TNRC6B: variants seen among roughly 807,000 people sequenced by gnomAD.
TNRC6B encodes trinucleotide repeat-containing gene 6B protein.
TNRC6B carries 52 observed loss-of-function variants against 203.6 expected under a neutral mutation model. The observed-to-expected ratio is 0.26, with a 90% CI of 0.20 to 0.32. TNRC6B has a LOEUF of 0.32. Ranked by LOEUF, TNRC6B falls within the 10% of genes least tolerant of loss-of-function variation. The probability of loss-of-function intolerance (pLI) is 1.00; values close to 1 mark genes in which losing one functional copy is unlikely to be tolerated. For missense variants in TNRC6B, 1,923 were observed against 2,286.2 expected (o/e 0.84, Z 3.24); for synonymous variants, 838 against 845.7 (o/e 0.99, Z 0.16).
chr22:40,294,588 G>A (rs904366924), intron 12 of TNRC6B, among the ~76,000 whole-genome samples: 2 of 152,182 alleles, frequency 1.3e-5, no homozygotes, highest in Non-Finnish European at 2.9e-5. Context: ...AAATACAGTC[G>A]CTAACTGAGA....
intron 1 of TNRC6B, among the ~76,000 whole-genome samples, chr22:40,182,322 CTTCT>C (rs765786048): frequency 1.3e-5 from 2 of 152,100 alleles, no homozygotes; most frequent in Non-Finnish European, 2.9e-5. Context: ...AGATATTAGA[CTTCT>C]TTAAGTGGAA....
In TNRC6B at chr22:40,196,002, C is replaced by T. The variant is rs535443730; in HGVS notation, c.5+17862C>T. ...CCGTGTTAGCCAGTATGGTCTCAAT[C>T]TCCTGACCTCGTGATCCGTCTGCCT... On this transcript the variant is annotated intron_variant, in intron 1 of 22. Transcript: ENST00000454349. 3.9e-5 allele frequency among the ~76,000 whole-genome samples: 6 copies of T among 151,990 alleles called. No individual in the cohort carries two copies. In the South Asian group the frequency reaches 1.2e-3, roughly 32 times the overall value.
intron 10 of TNRC6B, among the ~76,000 whole-genome samples, chr22:40,280,622 C>G (rs889359235): frequency 6.6e-6 from 1 of 152,156 alleles, no homozygotes; most frequent in Non-Finnish European, 1.5e-5. Context: ...CAGTTTCTAC[C>G]TATTGGTTTT....
intron 1 of TNRC6B, among the ~76,000 whole-genome samples, chr22:40,081,309 T>TG (rs1481464669): frequency 1.2e-4 from 17 of 145,386 alleles, no homozygotes; most frequent in Non-Finnish European, 1.9e-4. Flanking sequence ...GTCTGCGTGT[T>TG]TTTTTTTTTT....
chr22:40,273,773 AC>A, intron 7 of TNRC6B, among the ~76,000 whole-genome samples, 173 bp downstream of exon 7: 1 of 151,992 alleles, frequency 6.6e-6, no homozygotes, highest in East Asian at 1.9e-4. Context: ...CAGTCCTCCC[AC>A]CTCAGCCTTC....
intron 3 of TNRC6B, among the ~76,000 whole-genome samples, chr22:40,155,278 C>T (rs1269001998): frequency 6.6e-6 from 1 of 151,946 alleles, no homozygotes; most frequent in African/African-American, 2.4e-5. Flanking sequence ...ATAGATAATG[C>T]AAACTTTTTG....
intron 12 of TNRC6B, among the ~76,000 whole-genome samples, chr22:40,286,138 G>A (rs906194186): frequency 6.6e-6 from 1 of 152,174 alleles, no homozygotes; most frequent in Non-Finnish European, 1.5e-5. Flanking sequence ...ATGTGTCAAT[G>A]TTCAGAGGCT....
intron 3 of TNRC6B, among the ~76,000 whole-genome samples, chr22:40,130,860 G>T (rs2068537013): frequency 6.6e-6 from 1 of 151,422 alleles, no homozygotes; most frequent in Admixed American, 6.6e-5. Context: ...GGTAAGTTGT[G>T]CAAGTATAGA....
chr22:40,049,372 GTCC>G (rs2067726155), intron 1 of TNRC6B, among the ~76,000 whole-genome samples: 1 of 151,980 alleles, frequency 6.6e-6, no homozygotes, highest in South Asian at 2.1e-4. Flanking sequence ...ACATCGTACT[GTCC>G]TCCTTCTTAC....
upstream of TNRC6B, among the ~76,000 whole-genome samples, chr22:40,174,070 A>G (rs898238434): frequency 2.0e-5 from 3 of 151,264 alleles, no homozygotes; most frequent in Non-Finnish European, 4.4e-5. Context: ...GAGTGCTGTG[A>G]TTACAGGCGT....
chr22:40,153,532 TAAC>T (rs537566353), intron 3 of TNRC6B, among the ~76,000 whole-genome samples: 15 of 129,050 alleles, frequency 1.2e-4, no homozygotes, highest in Non-Finnish European at 1.9e-4. Flanking sequence ...GAAAAATACA[TAAC>T]AAATACTAAG....
intron 1 of TNRC6B, chr22:40,106,732 A>G: frequency 3.9e-6 from 3 of 765,594 alleles, no homozygotes; most frequent in Non-Finnish European, 7.2e-6. Context: ...GAAGGCGAAG[A>G]AGCTGCAACA....
rs372062151 is a variant in TNRC6B at position 40,214,299 on chromosome 22, A to G, written c.6-31716A>G. 1.1e-4 allele frequency among the ~76,000 whole-genome samples: 16 copies of G among 152,146 alleles called. No individual in the cohort carries two copies. The East Asian group carries it at 2.1e-3, about 20-fold the overall frequency. On this transcript the variant is annotated intron_variant, in intron 1 of 22. Coordinates refer to ENST00000454349, the MANE Select transcript of TNRC6B (RefSeq NM_001162501.2). ...AAAACATTAAAAAAAAAAGGGTAAC[A>G]TGAGGGATCCTTGTGATGGAACCGT...
rs566158824 is a variant in TNRC6B, at chr22:40,249,442, G to A, written c.94-1737G>A. ...CCTGGAGCCATCACTGAGTAAACTG[G>A]TAGATACCCATTCATGAGAGAGGTG... On this transcript the variant is annotated intron_variant, in intron 2 of 22. Coordinates refer to ENST00000454349, the MANE Select transcript of TNRC6B (RefSeq NM_001162501.2). Among the ~76,000 whole-genome samples, 6 of 152,314 alleles carry A rather than the reference G, an allele frequency of 3.9e-5. No homozygotes were observed. The South Asian group carries it at 1.2e-3, about 32-fold the overall frequency.
intron 3 of TNRC6B, among the ~76,000 whole-genome samples, chr22:40,146,156 T>G (rs1274191293): frequency 6.6e-6 from 1 of 152,140 alleles, no homozygotes; most frequent in Non-Finnish European, 1.5e-5. Flanking sequence ...GTGCCAGGCT[T>G]CTGGTGAATA....
rs538202013 is a variant in TNRC6B, at chr22:40,215,420, C to T, written c.6-30595C>T. Among the ~76,000 whole-genome samples the T allele has an allele frequency of 2.5e-4, 38 of 152,324 alleles. 1 individual carries two copies. The highest frequency in any genetic ancestry group is 7.2e-4 in the Admixed American group (11 of 15,288). On this transcript the variant is annotated intron_variant, in intron 1 of 22. Transcript: ENST00000454349. ...CTGGCTCTTCCTTAGGCAGTGCCAACGGGGCAGGAGAGGGTGACTGCATGG... is the reference window on the plus strand; with the variant it reads ...CTGGCTCTTCCTTAGGCAGTGCCAATGGGGCAGGAGAGGGTGACTGCATGG...
At chr22:40,066,288 C>T (rs559384144) in intron 1 of TNRC6B, among the ~76,000 whole-genome samples, 37 of 152,260 alleles carry the variant, frequency 2.4e-4, no homozygotes, top group Non-Finnish European at 3.7e-4. Context: ...TTATATATTT[C>T]ATCCAGTTTC....
chr22:40,261,973 A>G lies in TNRC6B; in HGVS notation c.257A>G (p.Tyr86Cys), dbSNP rs768820934. Residue 86 changes from tyrosine (Y) to cysteine (C), a missense_variant, in exon 4 of 23, where the codon TAC (tyrosine) becomes TGC (cysteine). By Grantham distance (194) the Tyr-to-Cys change is radical. Around this residue, in one of 8 missense-constraint regions of TNRC6B, gnomAD observed 111 missense variants for 155.3 expected, o/e 0.71. Coordinates refer to ENST00000454349, the MANE Select transcript of TNRC6B (RefSeq NM_001162501.2). ...GGACAACCGCCAAGCGCCGCCCGCTACATGCCTCGGGAGGTGCCGCCGCGA... is the reference window on the plus strand; with the variant it reads ...GGACAACCGCCAAGCGCCGCCCGCTGCATGCCTCGGGAGGTGCCGCCGCGA... ...PNGQPPSAAR[Y>C]MPREVPPRFR... The G allele has an allele frequency of 3.1e-6, 5 of 1,612,402 alleles. No homozygotes were observed. The highest frequency in any genetic ancestry group is 1.7e-5 in the Admixed American group (1 of 59,878).
At chr22:40,123,343 C>T (rs1288796921) in intron 2 of TNRC6B, among the ~76,000 whole-genome samples, 1 of 152,072 alleles carries the variant, frequency 6.6e-6, no homozygotes, top group Non-Finnish European at 1.5e-5. Flanking sequence ...CCAGGCAAGT[C>T]AAGCTAGAAA....
Sources: gnomAD v4.1 joint callset for allele counts (sites outside exome capture counted in the v4.1 genomes callset) on GRCh38, gnomAD v4.1.1 for gene constraint, gnomAD v4.1.1 regional missense constraint, MANE v1.5 for transcripts, NCBI Gene and HGNC (gene_info 2026-07-23, HGNC 2026-07-21) for gene names.